The following MYOCD variants were observed in gnomAD, a reference collection of about 807,000 sequenced individuals.
MYOCD encodes myocardin.
In MYOCD, 32 loss-of-function variants were observed where a neutral mutation model predicts 96.1. The ratio of observed to expected loss-of-function variants is 0.33; its 90% CI spans 0.25 to 0.45. The LOEUF (loss-of-function observed/expected upper bound fraction) is 0.45. Ranked by LOEUF, MYOCD falls within the 20% of genes least tolerant of loss-of-function variation. The pLI, the probability that MYOCD is intolerant of heterozygous loss-of-function variation, is 1.00. For missense variants in MYOCD, 1,133 were observed against 1,200.6 expected (o/e 0.94, Z 0.83); for synonymous variants, 469 against 469.0 (o/e 1.00, Z 0.00).
intron 1 of MYOCD, among the ~76,000 whole-genome samples, chr17:12,684,371 G>C (rs1487414730): frequency 6.6e-6 from 1 of 152,158 alleles, no homozygotes; most frequent in Non-Finnish European, 1.5e-5. Flanking sequence ...GGAGAAAGTG[G>C]AACGTAGCAT....
At chr17:12,748,545 T>G (rs1009298978) in intron 9 of MYOCD, among the ~76,000 whole-genome samples, 1 of 152,194 alleles carries the variant, frequency 6.6e-6, no homozygotes, top group African/African-American at 2.4e-5. Context: ...TAAAAAGTTA[T>G]TAGTGATGAA....
At chr17:12,749,935 C>T (rs896466151) in intron 9 of MYOCD, among the ~76,000 whole-genome samples, 3 of 151,910 alleles carry the variant, frequency 2.0e-5, no homozygotes, top group South Asian at 4.1e-4. Flanking sequence ...CTGCAAGCTC[C>T]GCCTTCCGGG....
rs776870551 is a variant in MYOCD, at chr17:12,752,678, G to C, written c.1390G>C (p.Asp464His). Reference protein sequence around the residue: ...SSPPISPASSDLSVAGSLPDT... With the variant: ...SSPPISPASSHLSVAGSLPDT... ...CCCCCCGATCTCCCCAGCCTCCTCTGACCTGTCAGTCGCTGGGTCCCTGCC... is the reference window on the plus strand; with the variant it reads ...CCCCCCGATCTCCCCAGCCTCCTCTCACCTGTCAGTCGCTGGGTCCCTGCC... Residue 464 changes from aspartate to histidine, a missense_variant, in exon 10 of 14, where the codon GAC becomes CAC. Asp to His is a moderately conservative substitution (Grantham distance 81, BLOSUM62 -1). Transcript: ENST00000425538. 6.2e-7 allele frequency: 1 copy of C among 1,614,106 alleles called. No homozygotes were observed. Among genetic ancestry groups the C allele is most frequent in the South Asian group, 1.1e-5 (1 of 91,052 alleles).
chr17:12,767,378 C>CTCTT lies in MYOCD; in HGVS notation c.*3736_*3739dup, dbSNP rs1456880667. The CTCTT allele has an allele frequency of 1.3e-5, 2 of 152,204 alleles. No individual in the cohort carries two copies. Among genetic ancestry groups the CTCTT allele is most frequent in the Non-Finnish European group, 2.9e-5 (2 of 68,036 alleles). The allele number at this position is 152,204 out of a possible 1,614,324, so 9.4% of individuals were successfully genotyped here. The stretch of plus-strand genomic sequence containing the variant: ...TGTTATTTATTTTAAAGTCAATCAG[C>CTCTT]TCTTTTAGAAACAGATTCTGGTCTG... On this transcript the variant is annotated 3_prime_UTR_variant, in exon 14 of 14. Coordinates refer to ENST00000425538, the MANE Select transcript of MYOCD (RefSeq NM_001146312.3).
intron 1 of MYOCD, among the ~76,000 whole-genome samples, chr17:12,684,717 A>C (rs1400425246): frequency 6.6e-6 from 1 of 151,976 alleles, no homozygotes; most frequent in Non-Finnish European, 1.5e-5. Flanking sequence ...ATGGTGGCAC[A>C]TGCCTGTAGT....
In MYOCD at chr17:12,704,531, A is replaced by G. The variant is rs527485095; in HGVS notation, c.56-597A>G. ...GCACAACTCCAATAGTCCTTCTTTG[A>G]ATTCCCAGGAGAATTCCAGATTCTC... On this transcript the variant is annotated intron_variant, in intron 1 of 13. Transcript: ENST00000425538. Among the ~76,000 whole-genome samples, 4 of 152,296 alleles carry G rather than the reference A, an allele frequency of 2.6e-5. No individual in the cohort carries two copies. The East Asian group carries it at 7.7e-4, about 29-fold the overall frequency.
intron 1 of MYOCD, among the ~76,000 whole-genome samples, chr17:12,669,081 C>T (rs1909532730): frequency 6.6e-6 from 1 of 152,198 alleles, no homozygotes; most frequent in South Asian, 2.1e-4. Context: ...GGCAGTTTTA[C>T]ATGAATGTAG....
chr17:12,718,396 G>T (rs2031714358), intron 4 of MYOCD, among the ~76,000 whole-genome samples: 1 of 152,076 alleles, frequency 6.6e-6, no homozygotes, highest in Admixed American at 6.5e-5. Context: ...GATGGAAGGG[G>T]GTCGCAGTCT....
chr17:12,743,588 G>A (rs754264581), intron 7 of MYOCD, among the ~76,000 whole-genome samples: 1 of 149,682 alleles, frequency 6.7e-6, no homozygotes, highest in East Asian at 2.0e-4. Context: ...TGCCTCCTGG[G>A]TTCAAGCAAT....
chr17:12,697,486 C>T (rs1216424726), intron 1 of MYOCD, among the ~76,000 whole-genome samples: 2 of 150,556 alleles, frequency 1.3e-5, no homozygotes, highest in Admixed American at 1.3e-4. Context: ...CCTCAGCCTC[C>T]TGAGTAGCTG....
chr17:12,667,985 G>C (rs530142602), intron 1 of MYOCD, among the ~76,000 whole-genome samples: 1 of 152,278 alleles, frequency 6.6e-6, no homozygotes, highest in South Asian at 2.1e-4. Context: ...TCTGGAGTCT[G>C]AGATGCAAAC....
At chr17:12,675,704 A>C (rs1040703659) in intron 1 of MYOCD, among the ~76,000 whole-genome samples, 1 of 152,178 alleles carries the variant, frequency 6.6e-6, no homozygotes, top group Non-Finnish European at 1.5e-5. Flanking sequence ...TAAAAATACA[A>C]AAAATTAGCC....
Position 12,763,649 on chromosome 17 carries a change from C to A in MYOCD, c.*5C>A, listed in dbSNP as rs765717105. 5.6e-6 allele frequency: 9 copies of A among 1,601,644 alleles called. No homozygotes were observed. The highest frequency in any genetic ancestry group is 7.7e-6 in the Non-Finnish European group (9 of 1,173,244). On this transcript the variant is annotated 3_prime_UTR_variant, in exon 14 of 14. Transcript: ENST00000425538. ...CTTCACTTGCAGCAGTGGTAGAATG[C>A]CCAATGCACCAGTGCTATGGAAGAC...
intron 4 of MYOCD, among the ~76,000 whole-genome samples, chr17:12,719,677 A>G (rs2031764511): frequency 8.0e-6 from 1 of 124,972 alleles, no homozygotes; most frequent in African/African-American, 3.0e-5. Context: ...ACACAATGAA[A>G]CCCCGTCTGT....
intron 9 of MYOCD, among the ~76,000 whole-genome samples, chr17:12,749,386 G>A (rs569038782): frequency 1.3e-4 from 20 of 151,878 alleles, no homozygotes; most frequent in African/African-American, 2.9e-4. Context: ...AAAATTAGCC[G>A]GGTGTGGTGG....
rs2150701933 is a variant in MYOCD at position 12,734,605 on chromosome 17, G to A, written c.416-1556G>A. On this transcript the variant is annotated intron_variant, in intron 5 of 13. Transcript: ENST00000425538. ...TGCTGACTGCAACCACTGCCTCCCGGGTTCAAGCAATTCTCCTGCCTCAGC... is the reference window on the plus strand; with the variant it reads ...TGCTGACTGCAACCACTGCCTCCCGAGTTCAAGCAATTCTCCTGCCTCAGC... Among the ~76,000 whole-genome samples the A allele has an allele frequency of 2.1e-5, 3 of 139,782 alleles. 1 individual carries two copies. The Admixed American group carries it at 2.4e-4, about 11-fold the overall frequency. The allele number at this position is 139,782 out of a possible 152,430, so 91.7% of individuals were successfully genotyped here.
At position 12,708,682 on chromosome 17, in the gene MYOCD, C is replaced by T. The variant is rs542445380; in HGVS notation, c.121+3489C>T. Among the ~76,000 whole-genome samples the T allele has an allele frequency of 5.3e-5, 8 of 152,162 alleles. No individual in the cohort carries two copies. The East Asian group carries it at 1.2e-3, about 22-fold the overall frequency. ...CTGGGATTACAGGCGTGAGCCACCG[C>T]GCCTGGCCAGCAATACTATTTTTAA... On this transcript the variant is annotated intron_variant, in intron 2 of 13. Coordinates refer to ENST00000425538, the MANE Select transcript of MYOCD (RefSeq NM_001146312.3).
chr17:12,719,204 A>T (rs1455370822), intron 4 of MYOCD, among the ~76,000 whole-genome samples: 4 of 138,664 alleles, frequency 2.9e-5, no homozygotes, highest in Non-Finnish European at 6.4e-5. Context: ...AAAAAAAAAA[A>T]GACATACAGA....
intron 9 of MYOCD, among the ~76,000 whole-genome samples, chr17:12,748,827 T>C (rs930714056): frequency 2.0e-5 from 3 of 152,112 alleles, no homozygotes; most frequent in African/African-American, 7.2e-5. Context: ...TAAAAGAAAA[T>C]GATAAAACAA....
Sources: allele counts gnomAD v4.1 joint callset (sites outside exome capture counted in the v4.1 genomes callset), GRCh38; gene constraint gnomAD v4.1.1; transcripts MANE v1.5; gene names NCBI Gene and HGNC (gene_info 2026-07-23, HGNC 2026-07-21).